The following REV3L variants were observed in gnomAD, a reference collection of about 807,000 sequenced individuals.
REV3L encodes the protein REV3 like, DNA directed polymerase zeta catalytic subunit.
A neutral mutation model predicts 299.4 loss-of-function variants in REV3L; 69 were observed. The ratio of observed to expected loss-of-function variants is 0.23; its 90% CI spans 0.19 to 0.28. REV3L has a LOEUF of 0.28. Among genes scored for constraint, REV3L ranks in the 10% least tolerant of loss-of-function variants. The pLI, the probability that REV3L is intolerant of heterozygous loss-of-function variation, is 1.00. For missense variants in REV3L, 3,128 were observed against 3,693.8 expected (o/e 0.85, Z 3.97); for synonymous variants, 1,238 against 1,271.4 (o/e 0.97, Z 0.56).
chr6:111,446,620 G>A (rs1274001866), intron 1 of REV3L, among the ~76,000 whole-genome samples: 1 of 152,154 alleles, frequency 6.6e-6, no homozygotes, highest in East Asian at 1.9e-4. Context: ...AGAATTGCTT[G>A]AACCCAGGAG....
At chr6:111,331,821 A>C (rs1775412688) in intron 23 of REV3L, 37 bp from the exon 24 acceptor site, 19 of 1,288,572 alleles carry the variant, frequency 1.5e-5, no homozygotes, top group Non-Finnish European at 2.1e-5. Context: ...ATACTTCCTC[A>C]AATCATAGAA....
At chr6:111,429,093 TA>T (rs927466570) in intron 1 of REV3L, among the ~76,000 whole-genome samples, 1 of 152,144 alleles carries the variant, frequency 6.6e-6, no homozygotes, top group East Asian at 1.9e-4. Flanking sequence ...CAACGTGCTT[TA>T]AAAAAATGCC....
chr6:111,466,771 G>A (rs1022606318), intron 1 of REV3L, among the ~76,000 whole-genome samples: 3 of 152,200 alleles, frequency 2.0e-5, no homozygotes, highest in African/African-American at 7.2e-5. Context: ...GAACCCAGGA[G>A]ATGGAGGTTG....
At chr6:111,380,751 T>C (rs567025711) in intron 10 of REV3L, among the ~76,000 whole-genome samples, 113 of 152,364 alleles carry the variant, frequency 7.4e-4, no homozygotes, top group Non-Finnish European at 1.2e-3. Context: ...TGTTGTGTGC[T>C]CCAGCCAGGG....
chr6:111,361,943 T>C (rs1264090909), intron 16 of REV3L, among the ~76,000 whole-genome samples: 1 of 152,174 alleles, frequency 6.6e-6, no homozygotes, highest in African/African-American at 2.4e-5. Flanking sequence ...CAGAGTGATT[T>C]TAACTTCCAG....
chr6:111,453,804 T>C (rs943141133), intron 1 of REV3L, among the ~76,000 whole-genome samples: 3 of 151,874 alleles, frequency 2.0e-5, no homozygotes, highest in African/African-American at 7.3e-5. Flanking sequence ...GCCAGCATGG[T>C]GAAACCCCAT....
chr6:111,307,833 T>C, intron 30 of REV3L: 1 of 409,728 alleles, frequency 2.4e-6, no homozygotes. Context: ...TTCTAGGGTA[T>C]GTGCAGGTTT....
At chr6:111,344,146 T>C (rs1175702572) in intron 20 of REV3L, 103 bp from the exon 21 acceptor site, 3 of 678,528 alleles carry the variant, frequency 4.4e-6, no homozygotes, top group African/African-American at 1.8e-5. Flanking sequence ...ATAGTAGATA[T>C]TAAAGCTACT....
At chr6:111,448,841 G>C (rs1400285724) in intron 1 of REV3L, among the ~76,000 whole-genome samples, 9 of 144,450 alleles carry the variant, frequency 6.2e-5, no homozygotes, top group African/African-American at 2.3e-4. Context: ...ATGTTGCCCA[G>C]CCTGGTCTCT....
chr6:111,307,221 T>C (rs1772412566), intron 31 of REV3L, 140 bp downstream of exon 31: 14 of 697,884 alleles, frequency 2.0e-5, no homozygotes, highest in Non-Finnish European at 3.1e-5. Flanking sequence ...ATTTTTGAGA[T>C]TTTTAGGAAG....
chr6:111,398,996 T>C (rs1289588246), intron 4 of REV3L, among the ~76,000 whole-genome samples: 2 of 152,184 alleles, frequency 1.3e-5, no homozygotes, highest in African/African-American at 4.8e-5. Flanking sequence ...ACATGATGCC[T>C]TCAAATCTGT....
At chr6:111,430,110 G>A (rs1209556488) in intron 1 of REV3L, 10 of 790,084 alleles carry the variant, frequency 1.3e-5, no homozygotes, top group South Asian at 8.0e-5. Context: ...AGATTGAGAC[G>A]GGGTGGAGAA....
rs985595142 is a variant in REV3L at position 111,418,828 on chromosome 6, A to G, written c.140-2356T>C. On this transcript the variant is annotated intron_variant, in intron 1 of 31. Coordinates refer to ENST00000368802, the MANE Select transcript of REV3L (RefSeq NM_001372078.1). Reference sequence around the variant, plus strand: ...GGGAGGTGTTATTGTGTTCAAATGAACACTATGTCCCCAGAACTCAACAAA... The same window carrying G: ...GGGAGGTGTTATTGTGTTCAAATGAGCACTATGTCCCCAGAACTCAACAAA... Among the ~76,000 whole-genome samples, 3 of 152,184 alleles carry G rather than the reference A, an allele frequency of 2.0e-5. 1 individual carries two copies. The South Asian group carries it at 6.2e-4, about 31-fold the overall frequency.
chr6:111,431,218 GT>G, intron 1 of REV3L: 2 of 1,563,104 alleles, frequency 1.3e-6, no homozygotes, highest in Non-Finnish European at 1.8e-6. Flanking sequence ...TTTACTGGAT[GT>G]TTTAACAAAA....
At position 111,374,499 on chromosome 6, in the gene REV3L, T is replaced by C. The variant is rs1562209642; in HGVS notation, c.3856A>G (p.Ile1286Val). 3 of 1,614,060 alleles carry C rather than the reference T, an allele frequency of 1.9e-6. No individual in the cohort carries two copies. The highest frequency in any genetic ancestry group is 1.7e-6 in the Non-Finnish European group (2 of 1,179,948). The change falls in exon 13 of 32, where the codon ATT becomes GTT. Residue 1286 changes from isoleucine (I) to valine (V), a missense_variant. Ile to Val is a conservative substitution (Grantham distance 29, BLOSUM62 3). Around this residue, in one of 9 missense-constraint regions of REV3L, gnomAD observed 2,409 missense variants for 2,611.8 expected, o/e 0.92. Coordinates refer to ENST00000368802, the MANE Select transcript of REV3L (RefSeq NM_001372078.1). ...CCAGATAACTTCTGTTGTGCATTAATTCCAGTGGGTAGGGAAGCAGAAAGG... is the reference window on the plus strand; with the variant it reads ...CCAGATAACTTCTGTTGTGCATTAACTCCAGTGGGTAGGGAAGCAGAAAGG... ...HPLSASLPTG[I>V]NAQQKLSGCF...
chr6:111,391,050 T>C (rs1397519666), intron 5 of REV3L, among the ~76,000 whole-genome samples: 6 of 151,968 alleles, frequency 3.9e-5, no homozygotes, highest in Non-Finnish European at 5.9e-5. Context: ...TAACTTTTGA[T>C]TTGAAACACT....
intron 12 of REV3L, 117 bp from the exon 13 acceptor site, chr6:111,376,874 G>A: frequency 5.2e-6 from 4 of 772,054 alleles, no homozygotes; most frequent in South Asian, 5.1e-5. Context: ...AATTAAGTTT[G>A]GTTATCTTAA....
At chr6:111,327,672 G>T (rs184644633) in intron 25 of REV3L, among the ~76,000 whole-genome samples, 102 of 151,568 alleles carry the variant, frequency 6.7e-4, no homozygotes, top group African/African-American at 2.4e-3. Flanking sequence ...GAACCCCCAG[G>T]ACTGACAAAG....
intron 5 of REV3L, among the ~76,000 whole-genome samples, chr6:111,392,496 T>C (rs1782037452): frequency 6.6e-6 from 1 of 152,162 alleles, no homozygotes; most frequent in African/African-American, 2.4e-5. Context: ...ATTTAATATT[T>C]ATAAATTTTA....
Sources: gnomAD v4.1 joint callset for allele counts (sites outside exome capture counted in the v4.1 genomes callset) on GRCh38, gnomAD v4.1.1 for gene constraint, gnomAD v4.1.1 regional missense constraint, MANE v1.5 for transcripts, NCBI Gene and HGNC (gene_info 2026-07-23, HGNC 2026-07-21) for gene names.